Variants in SND1 observed in about 807,000 individuals in gnomAD.
SND1 encodes staphylococcal nuclease and tudor domain containing 1.
A neutral mutation model predicts 121.7 loss-of-function variants in SND1; 38 were observed. That is an observed-to-expected ratio of 0.31 (90% CI 0.24 to 0.41). SND1 has a LOEUF of 0.41. Ranked by LOEUF, SND1 falls within the 10% of genes least tolerant of loss-of-function variation. The probability of loss-of-function intolerance (pLI) is 1.00; values close to 1 mark genes in which losing one functional copy is unlikely to be tolerated. For synonymous variants in SND1, 401 were observed against 447.4 expected (o/e 0.90, Z 1.31); for missense variants, 868 against 1,184.6 (o/e 0.73, Z 3.92).
In SND1 at chr7:127,996,804, T is replaced by TG. The variant is rs1256514668; in HGVS notation, c.1779+5750dup. Among the ~76,000 whole-genome samples the TG allele has an allele frequency of 5.3e-5, 8 of 152,314 alleles. No individual in the cohort carries two copies. The East Asian group carries it at 1.5e-3, about 29-fold the overall frequency. On this transcript the variant is annotated intron_variant, in intron 16 of 23. Transcript: ENST00000354725. ...TGCCCAGGAAAAAGGGAACATGTTA[T>TG]GGTCAGCTTTCTAAATAGCTCTCTC...
chr7:127,779,467 G>C (rs1212079919), intron 10 of SND1, among the ~76,000 whole-genome samples: 3 of 152,146 alleles, frequency 2.0e-5, no homozygotes, highest in Non-Finnish European at 4.4e-5. Flanking sequence ...TTTTAAAAAG[G>C]ATCTCATTTC....
intron 11 of SND1, among the ~76,000 whole-genome samples, chr7:127,827,132 AACTTGGGG>A (rs1798657534): frequency 6.6e-6 from 1 of 152,170 alleles, no homozygotes; most frequent in Admixed American, 6.5e-5. Flanking sequence ...TAGATGTTTA[AACTTGGGG>A]AAGCCACATA....
intron 8 of SND1, among the ~76,000 whole-genome samples, chr7:127,705,551 C>T (rs1235060298): frequency 6.6e-6 from 1 of 151,874 alleles, no homozygotes; most frequent in Non-Finnish European, 1.5e-5. Context: ...TATTAGTCGA[C>T]ATTTCAACTG....
chr7:127,973,607 C>G (rs1044794389), intron 15 of SND1, among the ~76,000 whole-genome samples: 1 of 152,194 alleles, frequency 6.6e-6, no homozygotes, highest in Non-Finnish European at 1.5e-5. Flanking sequence ...TGGTCTCTAA[C>G]ATCTCTCCTC....
intron 12 of SND1, among the ~76,000 whole-genome samples, chr7:127,881,282 T>C (rs1799784060): frequency 6.6e-6 from 1 of 152,188 alleles, no homozygotes; most frequent in South Asian, 2.1e-4. Flanking sequence ...CCCTAGGTTA[T>C]TGGATAATCA....
At chr7:127,954,106 GGCTATGTGA>G (rs1462803518) in intron 15 of SND1, among the ~76,000 whole-genome samples, 1 of 152,192 alleles carries the variant, frequency 6.6e-6, no homozygotes, top group Non-Finnish European at 1.5e-5. Context: ...TGGATAGGGT[GGCTATGTGA>G]GCACCTCTCA....
At chr7:127,920,156 G>A (rs1800668941) in intron 14 of SND1, among the ~76,000 whole-genome samples, 1 of 152,150 alleles carries the variant, frequency 6.6e-6, no homozygotes, top group Non-Finnish European at 1.5e-5. Context: ...ATATTCAAGA[G>A]TAGGATAGTT....
chr7:128,088,098 A>T (rs1003262379), intron 21 of SND1, among the ~76,000 whole-genome samples: 1 of 152,198 alleles, frequency 6.6e-6, no homozygotes, highest in African/African-American at 2.4e-5. Context: ...GCTGAAGGTC[A>T]GGAGAGATGC....
chr7:127,707,455 T>A (rs1026608954), intron 8 of SND1, 102 bp from the exon 9 acceptor site: 3 of 825,610 alleles, frequency 3.6e-6, no homozygotes, highest in Non-Finnish European at 6.2e-6. Context: ...TCTGGATACA[T>A]CTATAGGGTA....
chr7:128,074,259 C>T (rs1361886595), intron 16 of SND1, among the ~76,000 whole-genome samples: 2 of 152,174 alleles, frequency 1.3e-5, no homozygotes, highest in East Asian at 3.9e-4. Flanking sequence ...AGGAGAATCC[C>T]GTTTGCCCCG....
At chr7:127,698,831 G>A (rs755714499) in intron 3 of SND1, 44 bp from the exon 4 acceptor site, 9 of 1,533,330 alleles carry the variant, frequency 5.9e-6, no homozygotes, top group Non-Finnish European at 8.1e-6. Context: ...GCTGTTGGAG[G>A]CAGGTTTGAA....
intron 16 of SND1, among the ~76,000 whole-genome samples, chr7:128,070,415 C>G (rs568057575): frequency 6.6e-6 from 1 of 152,236 alleles, no homozygotes; most frequent in African/African-American, 2.4e-5. Context: ...TCATACGAAG[C>G]CTGCTCCCAG....
chr7:127,863,315 T>C (rs569957967), intron 12 of SND1, among the ~76,000 whole-genome samples: 2 of 152,284 alleles, frequency 1.3e-5, no homozygotes, highest in South Asian at 4.1e-4. Context: ...GTTGGTTGCA[T>C]TCCTTACTCT....
chr7:127,705,393 T>C (rs1796170238), intron 8 of SND1, among the ~76,000 whole-genome samples: 1 of 152,238 alleles, frequency 6.6e-6, no homozygotes, highest in African/African-American at 2.4e-5. Context: ...TTGTGAGGCC[T>C]ATGCCCTAAC....
intron 13 of SND1, among the ~76,000 whole-genome samples, chr7:127,895,959 G>T (rs1800110669): frequency 6.6e-6 from 1 of 152,016 alleles, no homozygotes; most frequent in Non-Finnish European, 1.5e-5. Flanking sequence ...GAGGGGCTGG[G>T]GTATAGCTGA....
intron 10 of SND1, among the ~76,000 whole-genome samples, chr7:127,750,700 C>T (rs759016739): frequency 3.3e-5 from 5 of 152,038 alleles, no homozygotes; most frequent in Admixed American, 6.5e-5. Context: ...TGTGTCATGT[C>T]GATGCCCAAA....
intron 12 of SND1, chr7:127,858,228 C>T (rs2116676832): frequency 1.3e-6 from 1 of 777,012 alleles, no homozygotes; most frequent in Non-Finnish European, 2.3e-6. Context: ...TGGTACATGC[C>T]AAGGTTTCCC....
intron 16 of SND1, among the ~76,000 whole-genome samples, chr7:128,041,571 G>T (rs1171797108): frequency 6.6e-6 from 1 of 152,158 alleles, no homozygotes; most frequent in Non-Finnish European, 1.5e-5. Context: ...GAGGAATTGG[G>T]GATAGGTGAA....
chr7:127,717,943 A>G (rs1185888593), intron 9 of SND1, among the ~76,000 whole-genome samples: 3 of 152,192 alleles, frequency 2.0e-5, no homozygotes, highest in East Asian at 1.9e-4. Flanking sequence ...AGAGTGTGAC[A>G]GAGGCTGAAG....
Sources: gnomAD v4.1 joint callset for allele counts (sites outside exome capture counted in the v4.1 genomes callset) on GRCh38, gnomAD v4.1.1 for gene constraint, MANE v1.5 for transcripts, NCBI Gene and HGNC (gene_info 2026-07-23, HGNC 2026-07-21) for gene names.